Variants in TRDN observed in about 807,000 individuals in gnomAD.
TRDN encodes triadin in skeletal muscle.
In TRDN, 161 loss-of-function variants were observed where a neutral mutation model predicts 149.7. The observed-to-expected ratio is 1.08, with a 90% CI of 0.95 to 1.23. The LOEUF (loss-of-function observed/expected upper bound fraction) is 1.23, where lower values mean the gene tolerates loss of function less well. Among genes scored for constraint, TRDN ranks in the 50% most tolerant of loss-of-function variants. The pLI is 0.00. For synonymous variants in TRDN, 294 were observed against 250.5 expected (o/e 1.17, Z -1.64); for missense variants, 896 against 823.5 (o/e 1.09, Z -1.08).
At chr6:123,235,466 G>A (rs1346990334) in intron 38 of TRDN, among the ~76,000 whole-genome samples, 1 of 152,058 alleles carries the variant, frequency 6.6e-6, no homozygotes, top group Non-Finnish European at 1.5e-5. Context: ...CAAAGAAAAA[G>A]ATAAGGTCAG....
At chr6:123,629,784 G>C (rs1785883570) in intron 1 of TRDN, among the ~76,000 whole-genome samples, 1 of 152,028 alleles carries the variant, frequency 6.6e-6, no homozygotes, top group African/African-American at 2.4e-5. Flanking sequence ...TGGAGATGTG[G>C]AGATGTTTGA....
intron 12 of TRDN, among the ~76,000 whole-genome samples, chr6:123,412,625 G>A (rs1773489123): frequency 6.6e-6 from 1 of 152,122 alleles, no homozygotes; most frequent in Non-Finnish European, 1.5e-5. Flanking sequence ...TTAATGTTCT[G>A]TAAGCAAGAT....
At chr6:123,249,987 A>G (rs2114565398) in intron 38 of TRDN, among the ~76,000 whole-genome samples, 1 of 152,276 alleles carries the variant, frequency 6.6e-6, no homozygotes, top group East Asian at 1.9e-4. Context: ...GATTTGATAA[A>G]TAAATTTAGT....
At chr6:123,461,840 T>C (rs1776465965) in intron 10 of TRDN, among the ~76,000 whole-genome samples, 1 of 152,142 alleles carries the variant, frequency 6.6e-6, no homozygotes, top group Admixed American at 6.5e-5. Flanking sequence ...TAAGATACTA[T>C]TTGATTTGAG....
At chr6:123,483,073 T>TTAA (rs1562339266) in intron 9 of TRDN, among the ~76,000 whole-genome samples, 5 of 37,812 alleles carry the variant, frequency 1.3e-4, no homozygotes, top group Non-Finnish European at 2.5e-4. Flanking sequence ...TCATTTATTA[T>TTAA]TATTATTATT....
chr6:123,312,707 A>G (rs2114692186), intron 24 of TRDN, among the ~76,000 whole-genome samples: 1 of 152,074 alleles, frequency 6.6e-6, no homozygotes, highest in East Asian at 1.9e-4. Context: ...TATTATCTCC[A>G]TTAAGTTTTC....
intron 5 of TRDN, among the ~76,000 whole-genome samples, chr6:123,525,510 C>T (rs548959009): frequency 1.7e-4 from 26 of 151,762 alleles, no homozygotes; most frequent in African/African-American, 3.6e-4. Context: ...GACATAAAGA[C>T]GGAAATAACA....
At chr6:123,316,375 A>G (rs2114699291) in intron 24 of TRDN, 82 bp downstream of exon 24, 1 of 1,316,778 alleles carries the variant, frequency 7.6e-7, no homozygotes, top group East Asian at 2.3e-5. Flanking sequence ...TTATCCAGCC[A>G]GGATTGTAAA....
intron 12 of TRDN, among the ~76,000 whole-genome samples, chr6:123,435,912 A>T (rs1774542523): frequency 6.6e-6 from 1 of 152,010 alleles, no homozygotes; most frequent in Non-Finnish European, 1.5e-5. Flanking sequence ...GCAGGGGAGT[A>T]TCAGATTTTC....
intron 9 of TRDN, among the ~76,000 whole-genome samples, chr6:123,481,419 A>G (rs75675408): frequency 1.1e-5 from 1 of 88,514 alleles, no homozygotes; most frequent in Non-Finnish European, 2.4e-5. Flanking sequence ...AAGAAAAAGG[A>G]AAAAAAAAAA....
At chr6:123,633,153 C>T (rs990687566) in intron 1 of TRDN, among the ~76,000 whole-genome samples, 2 of 151,970 alleles carry the variant, frequency 1.3e-5, no homozygotes, top group Non-Finnish European at 2.9e-5. Context: ...TTGAACTAAG[C>T]GTTCTAGTAA....
intron 21 of TRDN, among the ~76,000 whole-genome samples, chr6:123,348,073 CTTT>C (rs1413059137): frequency 6.6e-6 from 1 of 151,738 alleles, no homozygotes; most frequent in Non-Finnish European, 1.5e-5. Flanking sequence ...ATAATTTTTC[CTTT>C]TTTTTCTGTA....
In TRDN at chr6:123,537,276, T is replaced by C. The variant is rs189489324; in HGVS notation, c.425-6711A>G. 3.3e-5 allele frequency among the ~76,000 whole-genome samples: 5 copies of C among 152,306 alleles called. No homozygotes were observed. In the East Asian group the frequency reaches 9.7e-4, roughly 29 times the overall value. On this transcript the variant is annotated intron_variant, in intron 4 of 40. Transcript: ENST00000334268. Reference sequence around the variant, plus strand: ...TATTAATGATTAGGGTAGGATAATCTACATTCTATTTTGTCTTATAACACT... The same window carrying C: ...TATTAATGATTAGGGTAGGATAATCCACATTCTATTTTGTCTTATAACACT...
chr6:123,228,673 G>A lies in TRDN; in HGVS notation c.1976-4542C>T, dbSNP rs9482368. Among the ~76,000 whole-genome samples, 1,144 of 151,950 alleles carry A rather than the reference G, an allele frequency of 7.5e-3. 17 individuals carry two copies. Among genetic ancestry groups the A allele is most frequent in the African/African-American group, 0.026 (1,092 of 41,494 alleles). ...AAATATAGTTCAAGATGAGATTTGG[G>A]TGGGGACACAGCCAAACCATATCAC... On this transcript the variant is annotated intron_variant, in intron 38 of 40. Coordinates refer to ENST00000334268, the MANE Select transcript of TRDN (RefSeq NM_006073.4).
intron 24 of TRDN, among the ~76,000 whole-genome samples, chr6:123,299,251 G>T (rs62418735): frequency 4.6e-5 from 7 of 151,690 alleles, no homozygotes; most frequent in African/African-American, 7.3e-5. Flanking sequence ...GCATGGGAAG[G>T]GGGTGAAGGG....
At chr6:123,375,705 G>T (rs1781476856) in intron 18 of TRDN, 74 bp from the exon 19 acceptor site, 5 of 1,185,374 alleles carry the variant, frequency 4.2e-6, no homozygotes, top group Non-Finnish European at 5.8e-6. Context: ...TAATTGTAAG[G>T]TTATCTTAAT....
At chr6:123,227,666 T>G (rs1775429082) in intron 38 of TRDN, among the ~76,000 whole-genome samples, 1 of 152,012 alleles carries the variant, frequency 6.6e-6, no homozygotes, top group Non-Finnish European at 1.5e-5. Flanking sequence ...ATTAAGTTAT[T>G]TCATATGTGT....
intron 38 of TRDN, among the ~76,000 whole-genome samples, chr6:123,230,958 A>G (rs1279853558): frequency 6.6e-6 from 1 of 152,002 alleles, no homozygotes; most frequent in Non-Finnish European, 1.5e-5. Context: ...TTTTAACCTA[A>G]GTCTCACCAA....
intron 12 of TRDN, among the ~76,000 whole-genome samples, chr6:123,408,449 G>T (rs1773284181): frequency 6.6e-6 from 1 of 152,022 alleles, no homozygotes; most frequent in African/African-American, 2.4e-5. Context: ...AGGCCGAGGT[G>T]GGTGGATCAC....
Sources: allele counts gnomAD v4.1 joint callset (sites outside exome capture counted in the v4.1 genomes callset), GRCh38; gene constraint gnomAD v4.1.1; transcripts MANE v1.5; gene names NCBI Gene and HGNC (gene_info 2026-07-23, HGNC 2026-07-21).